Variants in BLTP1 observed in about 807,000 individuals in gnomAD.
BLTP1 encodes the protein bridge-like lipid transfer protein family member 1, also known as fragile site-associated protein.
At chr4:122,265,989 C>T in the BLTP1 span, among the ~76,000 whole-genome samples, 1 of 152,152 alleles carries the variant, frequency 6.6e-6, no homozygotes, top group African/African-American at 2.4e-5. Context: ...CCACCGTGCC[C>T]GGCCTAGATA....
chr4:122,152,349 G>A, the BLTP1 span: 2 of 985,182 alleles, frequency 2.0e-6, no homozygotes, highest in East Asian at 1.1e-4. Flanking sequence ...GCCCGGCCTC[G>A]GTTGGGACCC....
chr4:122,161,180 A>G, the BLTP1 span: 4 of 961,290 alleles, frequency 4.2e-6, no homozygotes, highest in South Asian at 4.8e-5. Flanking sequence ...AGACTTTAAT[A>G]TAATGGTGTG....
At chr4:122,240,752 T>G in the BLTP1 span, among the ~76,000 whole-genome samples, 4 of 152,350 alleles carry the variant, frequency 2.6e-5, no homozygotes, top group African/African-American at 9.6e-5. Context: ...ACTTGACATT[T>G]GAGTTCTTAT....
At chr4:122,167,834 TA>T in the BLTP1 span, 5 of 985,412 alleles carry the variant, frequency 5.1e-6, no homozygotes, top group Non-Finnish European at 6.0e-6. Context: ...TTGCAACTCT[TA>T]GATTGAACTG....
the BLTP1 span, chr4:122,209,205 G>C: frequency 6.2e-7 from 1 of 1,613,254 alleles, no homozygotes; most frequent in South Asian, 1.1e-5. Context: ...TGCCACCCTA[G>C]TAAATATTCT....
chr4:122,166,382 G>A, the BLTP1 span, among the ~76,000 whole-genome samples: 1 of 152,146 alleles, frequency 6.6e-6, no homozygotes, highest in Admixed American at 6.5e-5. Flanking sequence ...TCAAATAGTT[G>A]TAGATATGCG....
chr4:122,203,540 T>C, the BLTP1 span, among the ~76,000 whole-genome samples: 3 of 151,862 alleles, frequency 2.0e-5, no homozygotes, highest in African/African-American at 4.8e-5. Context: ...TTTAATTCAT[T>C]GTACAAATGA....
the BLTP1 span, among the ~76,000 whole-genome samples, chr4:122,265,249 C>A: frequency 6.6e-6 from 1 of 152,174 alleles, no homozygotes; most frequent in Non-Finnish European, 1.5e-5. Context: ...TATTTGCATA[C>A]AACATACATA....
the BLTP1 span, among the ~76,000 whole-genome samples, chr4:122,178,584 G>C: frequency 6.6e-6 from 1 of 152,108 alleles, no homozygotes; most frequent in Admixed American, 6.5e-5. Flanking sequence ...TAAAGAGAAA[G>C]GTATTAATTT....
chr4:122,256,019 A>G, the BLTP1 span: 3 of 974,458 alleles, frequency 3.1e-6, no homozygotes, highest in African/African-American at 5.3e-5. Flanking sequence ...AGGGGAGAAT[A>G]TACAATCACA....
chr4:122,191,324 C>T, the BLTP1 span, among the ~76,000 whole-genome samples: 3 of 151,496 alleles, frequency 2.0e-5, no homozygotes, highest in Non-Finnish European at 4.4e-5. Flanking sequence ...TAGAGACAAA[C>T]TATAATTTGA....
At chr4:122,257,504 G>C in the BLTP1 span, 1 of 1,613,610 alleles carries the variant, frequency 6.2e-7, no homozygotes, top group East Asian at 2.2e-5. Context: ...AGGTAGTTTT[G>C]TAAGCCTCTA....
the BLTP1 span, among the ~76,000 whole-genome samples, chr4:122,284,362 G>GT: frequency 1.3e-5 from 2 of 152,106 alleles, no homozygotes; most frequent in African/African-American, 4.8e-5. Context: ...ACATGAATAA[G>GT]TCTGATGTCT....
chr4:122,276,855 A>G, the BLTP1 span: 1 of 980,894 alleles, frequency 1.0e-6, no homozygotes. Flanking sequence ...ATAAACAATC[A>G]AGACCTCTGA....
chr4:122,273,229 C>G, the BLTP1 span: 1 of 968,978 alleles, frequency 1.0e-6, no homozygotes, highest in Non-Finnish European at 1.2e-6. Context: ...TCAAAACTTA[C>G]TTTGAACCTA....
chr4:122,309,611 C>A, the BLTP1 span: 1 of 816,996 alleles, frequency 1.2e-6, no homozygotes, highest in Non-Finnish European at 1.9e-6. Flanking sequence ...GGTAACAAAC[C>A]ATATTCGTGA....
the BLTP1 span, among the ~76,000 whole-genome samples, chr4:122,283,538 G>T: frequency 1.3e-5 from 2 of 152,050 alleles, no homozygotes; most frequent in Admixed American, 6.5e-5. Context: ...TTGAGACAGG[G>T]TCTCACTTTG....
At chr4:122,240,379 T>C in the BLTP1 span, 2 of 1,557,068 alleles carry the variant, frequency 1.3e-6, no homozygotes, top group Non-Finnish European at 1.7e-6. Context: ...TTAGTTTCCA[T>C]TGATATCTTG....
At chr4:122,341,959 C>T in the BLTP1 span, 6 of 395,344 alleles carry the variant, frequency 1.5e-5, no homozygotes, top group Non-Finnish European at 2.1e-5. Flanking sequence ...CTCTGAATAA[C>T]AAAAAGGAAA....
Sources: allele counts gnomAD v4.1 joint callset (sites outside exome capture counted in the v4.1 genomes callset), GRCh38; gene constraint gnomAD v4.1.1; transcripts MANE v1.5; gene names NCBI Gene and HGNC (gene_info 2026-07-23, HGNC 2026-07-21).